Variants in KSR2 observed in about 807,000 individuals in gnomAD.
KSR2 encodes the protein kinase suppressor of ras 2.
In KSR2, 25 loss-of-function variants were observed where a neutral mutation model predicts 107.8. That is an observed-to-expected ratio of 0.23 (90% confidence interval 0.17 to 0.32). The LOEUF (loss-of-function observed/expected upper bound fraction) is 0.32. KSR2 is among the 10% of genes least tolerant of loss of function. The pLI is 1.00. For missense variants in KSR2, 887 were observed against 1,268.9 expected (o/e 0.70, Z 4.57); for synonymous variants, 480 against 507.0 (o/e 0.95, Z 0.71).
intron 3 of KSR2, among the ~76,000 whole-genome samples, chr12:117,804,775 T>C (rs1342925752): frequency 1.3e-5 from 2 of 152,156 alleles, no homozygotes; most frequent in African/African-American, 4.8e-5. Context: ...AATGAGAATT[T>C]AAATTGCAAC....
At chr12:117,592,129 T>C (rs1880358453) in intron 5 of KSR2, among the ~76,000 whole-genome samples, 1 of 151,964 alleles carries the variant, frequency 6.6e-6, no homozygotes, top group African/African-American at 2.4e-5. Flanking sequence ...AACTTTTTTT[T>C]TTTTTTTAGA....
intron 4 of KSR2, among the ~76,000 whole-genome samples, chr12:117,705,351 G>C (rs1886481137): frequency 6.6e-6 from 1 of 152,162 alleles, no homozygotes; most frequent in African/African-American, 2.4e-5. Context: ...CACTCTTCTG[G>C]TTATGCAGCA....
chr12:117,844,476 CTGAG>C (rs146592324), intron 3 of KSR2, among the ~76,000 whole-genome samples: 6,600 of 55,062 alleles, frequency 0.12, 168 homozygotes, highest in African/African-American at 0.22. Flanking sequence ...CCCTCCTCTT[CTGAG>C]TATTTTTTTT....
intron 14 of KSR2, among the ~76,000 whole-genome samples, chr12:117,500,519 C>T (rs1873315594): frequency 6.6e-6 from 1 of 152,116 alleles, no homozygotes; most frequent in Non-Finnish European, 1.5e-5. Flanking sequence ...GGTCATTTGC[C>T]AAGGTCATGT....
intron 10 of KSR2, among the ~76,000 whole-genome samples, chr12:117,533,999 T>C (rs1240750387): frequency 2.6e-5 from 4 of 151,998 alleles, no homozygotes; most frequent in African/African-American, 9.7e-5. Context: ...CATCAAGAAG[T>C]GGCTCTAAAG....
chr12:117,794,124 T>A (rs111173976), intron 3 of KSR2, among the ~76,000 whole-genome samples: 655 of 26,902 alleles, frequency 0.024, no homozygotes, highest in Middle Eastern at 0.038. Flanking sequence ...ACATGCACAC[T>A]CACACCAACA....
chr12:117,616,837 T>A (rs940370636), intron 5 of KSR2, among the ~76,000 whole-genome samples: 4 of 152,206 alleles, frequency 2.6e-5, no homozygotes, highest in South Asian at 2.1e-4. Flanking sequence ...ATCTGGCAAT[T>A]CTTGGATAGA....
At chr12:117,606,591 T>C (rs151233292) in intron 5 of KSR2, among the ~76,000 whole-genome samples, 3 of 8,026 alleles carry the variant, frequency 3.7e-4, no homozygotes, top group Non-Finnish European at 7.3e-4. Flanking sequence ...CCTTCTTCCT[T>C]CCTTCTTTCC....
chr12:117,792,805 ATAAC>A (rs1054497315), intron 3 of KSR2, among the ~76,000 whole-genome samples: 2 of 152,206 alleles, frequency 1.3e-5, no homozygotes, highest in African/African-American at 4.8e-5. Context: ...ATCCCTAAAA[ATAAC>A]TGAGAACTGT....
intron 7 of KSR2, among the ~76,000 whole-genome samples, chr12:117,569,819 A>AAT (rs1378435912): frequency 6.6e-6 from 1 of 152,078 alleles, no homozygotes; most frequent in Non-Finnish European, 1.5e-5. Context: ...TATAACCTGA[A>AAT]ATATATATAA....
chr12:117,753,063 G>T (rs778348667), intron 4 of KSR2, among the ~76,000 whole-genome samples: 5 of 152,222 alleles, frequency 3.3e-5, no homozygotes, highest in Non-Finnish European at 5.9e-5. Flanking sequence ...TGGCCACAAA[G>T]CCAGAGGGAA....
chr12:117,555,992 C>T (rs997731582), intron 8 of KSR2, among the ~76,000 whole-genome samples: 7 of 150,268 alleles, frequency 4.7e-5, no homozygotes, highest in African/African-American at 7.3e-5. Context: ...TTTATTGCAG[C>T]GGTGAGGGGA....
At chr12:117,855,261 G>A (rs538293330) in intron 3 of KSR2, among the ~76,000 whole-genome samples, 167 bp downstream of exon 3, 31 of 152,236 alleles carry the variant, frequency 2.0e-4, no homozygotes, top group Middle Eastern at 3.4e-3. Context: ...GGTGTCTTCC[G>A]GCCTCCAAAT....
At chr12:117,571,124 G>T (rs907764127) in intron 7 of KSR2, among the ~76,000 whole-genome samples, 1 of 152,150 alleles carries the variant, frequency 6.6e-6, no homozygotes, top group Non-Finnish European at 1.5e-5. Context: ...CGGACATGGT[G>T]GTGGGCACTT....
chr12:117,761,486 G>A lies in KSR2; in HGVS notation c.511C>T (p.Pro171Ser), dbSNP rs557457685. ...LSKQDWTIQW[P>S]TTETGKENNP... Reference sequence around the variant, plus strand: ...TTCTCCTTCCCCGTCTCTGTCGTGGGCCACTGGATGGTCCAGTCTTGTTTG... The same window carrying A: ...TTCTCCTTCCCCGTCTCTGTCGTGGACCACTGGATGGTCCAGTCTTGTTTG... The change falls in exon 4 of 20, where the codon CCC becomes TCC. Residue 171 changes from proline to serine, a missense_variant. Physicochemically the swap from Pro to Ser is moderately conservative, Grantham distance 74 (BLOSUM62 -1). Coordinates refer to ENST00000339824, the MANE Select transcript of KSR2 (RefSeq NM_173598.6). The A allele has an allele frequency of 5.9e-5, 95 of 1,613,444 alleles. No homozygotes were observed. Among genetic ancestry groups the A allele is most frequent in the Non-Finnish European group, 7.5e-5 (89 of 1,179,742 alleles).
rs187376842 is a variant in KSR2 at position 117,876,992 on chromosome 12, A to G, written c.181-16561T>C. Among the ~76,000 whole-genome samples the G allele has an allele frequency of 8.3e-4, 126 of 152,244 alleles. 1 individual carries two copies. In the South Asian group the frequency reaches 8.5e-3, roughly 10 times the overall value. On this transcript the variant is annotated intron_variant, in intron 1 of 19. Transcript: ENST00000339824. ...ACATAACCTGGAGGTAATTTTGTAC[A>G]GTATTTTTAGTGTGTTGCATTAAAC...
At chr12:117,691,172 G>A (rs1176839167) in intron 4 of KSR2, among the ~76,000 whole-genome samples, 1 of 152,122 alleles carries the variant, frequency 6.6e-6, no homozygotes, top group East Asian at 1.9e-4. Flanking sequence ...CTGTGCAAGT[G>A]GATTTTAGAG....
chr12:117,860,301 T>C lies in KSR2; in HGVS notation c.311A>G (p.Glu104Gly), dbSNP rs1893247424. The C allele has an allele frequency of 6.2e-7, 1 of 1,613,016 alleles. No individual in the cohort carries two copies. The highest frequency in any genetic ancestry group is 1.7e-5 in the Admixed American group (1 of 59,980). The change falls in exon 2 of 20, where the codon GAG (glutamate) becomes GGG (glycine). Residue 104 changes from glutamate (E) to glycine (G), a missense_variant. Transcript: ENST00000339824. ...HWFRIVDVRKEVLEEISPGQL... is the reference protein window; with the variant it reads ...HWFRIVDVRKGVLEEISPGQL... ...GGCCCCCCAGGTCACCTCCAGGACC[T>C]CCTTGCGCACATCGACGATTCGGAA...
intron 3 of KSR2, among the ~76,000 whole-genome samples, chr12:117,771,758 A>T (rs552730442): frequency 6.6e-6 from 1 of 152,194 alleles, no homozygotes; most frequent in East Asian, 1.9e-4. Flanking sequence ...AGTAACCTAC[A>T]CCCTCACTTT....
Sources: gnomAD v4.1 joint callset for allele counts (sites outside exome capture counted in the v4.1 genomes callset) on GRCh38, gnomAD v4.1.1 for gene constraint, MANE v1.5 for transcripts, NCBI Gene and HGNC (gene_info 2026-07-23, HGNC 2026-07-21) for gene names.